NEDD1: variants seen among roughly 807,000 people sequenced by gnomAD.
NEDD1 encodes protein NEDD1.
In NEDD1, 33 loss-of-function variants were observed where a neutral mutation model predicts 74.0. That is an observed-to-expected ratio of 0.45 (90% CI 0.34 to 0.60). The LOEUF (loss-of-function observed/expected upper bound fraction) is 0.60. Ranked by LOEUF, NEDD1 falls within the 20% of genes least tolerant of loss-of-function variation. The pLI, the probability that NEDD1 is intolerant of heterozygous loss-of-function variation, is 0.01. For synonymous variants in NEDD1, 250 were observed against 264.4 expected (o/e 0.95, Z 0.53); for missense variants, 746 against 776.5 (o/e 0.96, Z 0.47).
chr12:96,936,739 C>T lies in NEDD1; in HGVS notation c.848C>T (p.Pro283Leu). 1 of 1,612,518 alleles carries T rather than the reference C, an allele frequency of 6.2e-7. No individual in the cohort carries two copies. Among genetic ancestry groups the T allele is most frequent in the Non-Finnish European group, 8.5e-7 (1 of 1,178,694 alleles). Reference sequence around the variant, plus strand: ...TATGATTTAAGAATGTTGAAATCACCAGTTAAGACCATCAGTGCTCACAAG... The same window carrying T: ...TATGATTTAAGAATGTTGAAATCACTAGTTAAGACCATCAGTGCTCACAAG... ...YQYDLRMLKS[P>L]VKTISAHKTS... The change falls in exon 8 of 16, where the codon CCA (proline) becomes CTA (leucine). Residue 283 changes from proline to leucine, a missense_variant. This residue lies in a region of NEDD1 where 706 missense variants were observed against 706.7 expected (regional missense o/e 1.00). Transcript: ENST00000266742.
At chr12:96,931,148 GTGTATGTTCATA>G (rs1565799979) in intron 6 of NEDD1, among the ~76,000 whole-genome samples, 2 of 152,144 alleles carry the variant, frequency 1.3e-5, no homozygotes, top group African/African-American at 4.8e-5. Context: ...ATATATATGT[GTGTATGTTCATA>G]TGTATGTTAA....
intron 6 of NEDD1, among the ~76,000 whole-genome samples, chr12:96,928,860 G>A (rs1876025872): frequency 6.6e-6 from 1 of 151,226 alleles, no homozygotes; most frequent in Non-Finnish European, 1.5e-5. Flanking sequence ...CTAATTTTTT[G>A]TAGTTTTTGT....
intron 14 of NEDD1, among the ~76,000 whole-genome samples, chr12:96,947,054 A>C (rs1334763736): frequency 6.6e-6 from 1 of 152,192 alleles, no homozygotes; most frequent in African/African-American, 2.4e-5. Flanking sequence ...ATTATCTATT[A>C]GATTTTTACT....
chr12:96,907,995 A>G, intron 2 of NEDD1, 139 bp downstream of exon 2: 1 of 483,176 alleles, frequency 2.1e-6, no homozygotes. Context: ...TCAGTGATCT[A>G]CCCACTACAC....
In NEDD1 at chr12:96,937,314, C is replaced by T. The variant is rs780032338; in HGVS notation, c.1038C>T (p.Ala346=). 6.8e-6 allele frequency: 11 copies of T among 1,612,214 alleles called. No homozygotes were observed. The highest frequency in any genetic ancestry group is 6.8e-6 in the Non-Finnish European group (8 of 1,178,782). ...CCGGAATTGTCAGAGAAGCACCTGC[C>T]ACGTCCATTGCCACAGTTCTACCAC... ...QNSGIVREAP[A]TSIATVLPQP... The change falls in exon 9 of 16, where the codon GCC becomes GCT. Residue 346 remains alanine, a synonymous_variant. Transcript: ENST00000266742.
intron 6 of NEDD1, among the ~76,000 whole-genome samples, chr12:96,934,103 TAA>T (rs1159734739): frequency 2.0e-5 from 3 of 152,188 alleles, no homozygotes; most frequent in Admixed American, 2.0e-4. Context: ...AATTTTTTTT[TAA>T]ATTATGCTTC....
chr12:96,945,199 C>CT (rs1490432179), intron 13 of NEDD1, among the ~76,000 whole-genome samples: 10 of 151,914 alleles, frequency 6.6e-5, no homozygotes, highest in Admixed American at 3.3e-4. Flanking sequence ...TGGTTTAACT[C>CT]TAAGAGTTAT....
chr12:96,930,465 C>G (rs1194323957), intron 6 of NEDD1, among the ~76,000 whole-genome samples: 2 of 152,042 alleles, frequency 1.3e-5, no homozygotes, highest in Non-Finnish European at 2.9e-5. Context: ...TGTGCTTAAC[C>G]CCTTCCAGGA....
intron 6 of NEDD1, among the ~76,000 whole-genome samples, chr12:96,932,066 C>G (rs1014541029): frequency 9.9e-5 from 15 of 151,994 alleles, no homozygotes; most frequent in African/African-American, 3.6e-4. Flanking sequence ...AACCTTCCCC[C>G]CACCTTTAGT....
At chr12:96,919,274 A>C (rs945048912) in intron 5 of NEDD1, among the ~76,000 whole-genome samples, 2 of 152,274 alleles carry the variant, frequency 1.3e-5, no homozygotes, top group Non-Finnish European at 2.9e-5. Flanking sequence ...TTGGAGTTTG[A>C]CATGGAATTG....
intron 14 of NEDD1, 76 bp from the exon 15 acceptor site, chr12:96,951,356 G>A: frequency 1.3e-6 from 1 of 776,612 alleles, no homozygotes; most frequent in East Asian, 2.6e-5. Flanking sequence ...AAATGAAAAA[G>A]TTTAGTGAGT....
At position 96,952,147 on chromosome 12, in the gene NEDD1, A is replaced by T; in HGVS notation, c.*94A>T. 1.5e-6 allele frequency: 1 copy of T among 689,162 alleles called. No individual in the cohort carries two copies. The highest frequency in any genetic ancestry group is 2.5e-6 in the Non-Finnish European group (1 of 392,682). 42.7% of individuals were successfully genotyped at this position (689,162 alleles called of 1,614,324 possible). On this transcript the variant is annotated 3_prime_UTR_variant, in exon 16 of 16. Transcript: ENST00000266742. Reference sequence around the variant, plus strand: ...AGTATTGTTTTCATGGCCTCCAGGGAAAAAATGTTTTTCAAGTAAGAGTAA... The same window carrying T: ...AGTATTGTTTTCATGGCCTCCAGGGTAAAAATGTTTTTCAAGTAAGAGTAA...
At position 96,907,876 on chromosome 12, in the gene NEDD1, T is replaced by G; in HGVS notation, c.-9+20T>G. On this transcript the variant is annotated intron_variant, in intron 2 of 15. Coordinates refer to ENST00000266742, the MANE Select transcript of NEDD1 (RefSeq NM_152905.4). ...ACCGAGGTAGGTGGGCAGATGGTCCTCTTCCCCGCCCCGCTTTAAGAGCCG... is the reference window on the plus strand; with the variant it reads ...ACCGAGGTAGGTGGGCAGATGGTCCGCTTCCCCGCCCCGCTTTAAGAGCCG... 7.5e-7 allele frequency: 1 copy of G among 1,339,652 alleles called. No individual in the cohort carries two copies. The highest frequency in any genetic ancestry group is 9.6e-7 in the Non-Finnish European group (1 of 1,042,820). 83.0% of individuals were successfully genotyped at this position (1,339,652 alleles called of 1,614,324 possible).
In NEDD1 at chr12:96,936,803, T is replaced by C. The variant is rs1246542515; in HGVS notation, c.912T>C (p.Val304=). Residue 304 remains valine (V), a synonymous_variant, in exon 8 of 16, where the codon GTT becomes GTC. Coordinates refer to ENST00000266742, the MANE Select transcript of NEDD1 (RefSeq NM_152905.4). The stretch of plus-strand genomic sequence containing the variant: ...GTATAGCATTTCAGTACTCCACTGT[T>C]CTTACTAAGGTGAGACATTTTCTTT... ...VQCIAFQYST[V]LTKSSLNKGC... is the part of the protein sequence containing the mutation. 1.8e-5 allele frequency: 28 copies of C among 1,596,848 alleles called. No homozygotes were observed. Among genetic ancestry groups the C allele is most frequent in the Non-Finnish European group, 2.3e-5 (27 of 1,164,970 alleles).
chr12:96,932,461 A>ATATATATATATATAT (rs60535832), intron 6 of NEDD1, among the ~76,000 whole-genome samples: 2 of 12,256 alleles, frequency 1.6e-4, no homozygotes, highest in Non-Finnish European at 3.2e-4. Flanking sequence ...AAAAAAAAAA[A>ATATATATATATATAT]AAATATATAT....
In NEDD1 at chr12:96,937,233, A is replaced by G; in HGVS notation, c.957A>G (p.Thr319=). Residue 319 remains threonine, a synonymous_variant, in exon 9 of 16, where the codon ACA becomes ACG. Coordinates refer to ENST00000266742, the MANE Select transcript of NEDD1 (RefSeq NM_152905.4). ...SLNKGCSNKP[T]TVNKRSVNVN... Reference sequence around the variant, plus strand: ...ATAAAGGCTGTTCAAATAAGCCCACAACAGTGAACAAACGAAGTGTTAATG... The same window carrying G: ...ATAAAGGCTGTTCAAATAAGCCCACGACAGTGAACAAACGAAGTGTTAATG... 1.2e-6 allele frequency: 2 copies of G among 1,610,998 alleles called. No individual in the cohort carries two copies. Among genetic ancestry groups the G allele is most frequent in the Non-Finnish European group, 1.7e-6 (2 of 1,178,390 alleles).
chr12:96,944,753 C>A lies in NEDD1; in HGVS notation c.1612C>A (p.Gln538Lys). The change falls in exon 13 of 16, where the codon CAG (glutamine) becomes AAG (lysine). Residue 538 changes from glutamine (Q) to lysine (K), a missense_variant. Gln to Lys is a moderately conservative substitution (Grantham distance 53, BLOSUM62 1). This residue lies in a region of NEDD1 where 706 missense variants were observed against 706.7 expected (regional missense o/e 1.00). Coordinates refer to ENST00000266742, the MANE Select transcript of NEDD1 (RefSeq NM_152905.4). The part of the protein sequence containing the change: ...FEKPENEIEA[Q>K]LICEPPINGS... ...AAAGCCAGAGAATGAAATTGAAGCC[C>A]AGTTGATATGTGAACCCCCAATCAA... is the stretch of plus-strand genomic sequence containing the variant. 1 of 1,590,732 alleles carries A rather than the reference C, an allele frequency of 6.3e-7. No individual in the cohort carries two copies. The highest frequency in any genetic ancestry group is 8.5e-7 in the Non-Finnish European group (1 of 1,169,902).
At chr12:96,931,985 A>G (rs942747084) in intron 6 of NEDD1, among the ~76,000 whole-genome samples, 6 of 152,120 alleles carry the variant, frequency 3.9e-5, no homozygotes, top group Admixed American at 2.0e-4. Context: ...TTATTTTTGT[A>G]AAGTTTATTG....
At chr12:96,907,386 C>T (rs1165685940) in intron 1 of NEDD1, 86 bp downstream of exon 1, 1 of 474,324 alleles carries the variant, frequency 2.1e-6, no homozygotes. Flanking sequence ...CTCCGTCCCC[C>T]TCAGAGGGCG....
Sources: gnomAD v4.1 joint callset for allele counts (sites outside exome capture counted in the v4.1 genomes callset) on GRCh38, gnomAD v4.1.1 for gene constraint, gnomAD v4.1.1 regional missense constraint, MANE v1.5 for transcripts, NCBI Gene and HGNC (gene_info 2026-07-23, HGNC 2026-07-21) for gene names.